Variants in BCAS3 observed in about 807,000 individuals in gnomAD.
The protein encoded by BCAS3 is BCAS3 microtubule associated cell migration factor.
BCAS3 carries 53 observed loss-of-function variants against 116.1 expected under a neutral mutation model. That is an observed-to-expected ratio of 0.46 (90% CI 0.37 to 0.57). The LOEUF is 0.57. Among genes scored for constraint, BCAS3 ranks in the 20% least tolerant of loss-of-function variants. BCAS3 has a pLI of 0.00. For synonymous variants in BCAS3, 391 were observed against 408.2 expected (o/e 0.96, Z 0.51); for missense variants, 917 against 1,165.4 (o/e 0.79, Z 3.10).
intron 7 of BCAS3, among the ~76,000 whole-genome samples, chr17:60,860,146 C>T (rs2054034062): frequency 6.6e-6 from 1 of 152,192 alleles, no homozygotes; most frequent in Non-Finnish European, 1.5e-5. Flanking sequence ...TTCTCCACAA[C>T]CTCGCTAGCA....
chr17:60,999,497 G>T (rs1288129931), intron 15 of BCAS3, among the ~76,000 whole-genome samples: 1 of 149,036 alleles, frequency 6.7e-6, no homozygotes. Flanking sequence ...GCTGAATGTT[G>T]CAGTGAGCCA....
Position 60,914,621 on chromosome 17 carries a change from T to C in BCAS3, c.993+3919T>C, listed in dbSNP as rs531467666. On this transcript the variant is annotated intron_variant, in intron 12 of 23. Coordinates refer to ENST00000407086, the MANE Select transcript of BCAS3 (RefSeq NM_017679.5). ...GGTTTGAACTGCACAGGTCTACTTA[T>C]ATGTGGATTTTCTCTGTCACTACCA... Among the ~76,000 whole-genome samples the C allele has an allele frequency of 2.6e-5, 4 of 152,298 alleles. No individual in the cohort carries two copies. In the East Asian group the frequency reaches 7.7e-4, roughly 29 times the overall value.
Position 61,265,418 on chromosome 17 carries a change from A to T in BCAS3, c.2426-102909A>T, listed in dbSNP as rs1378999362. Among the ~76,000 whole-genome samples, 1 of 152,098 alleles carries T rather than the reference A, an allele frequency of 6.6e-6. No individual in the cohort carries two copies. Among genetic ancestry groups the T allele is most frequent in the Non-Finnish European group, 1.5e-5 (1 of 68,004 alleles). On this transcript the variant is annotated intron_variant, in intron 22 of 23. Coordinates refer to ENST00000407086, the MANE Select transcript of BCAS3 (RefSeq NM_017679.5). This position sits in a 1 kb window ranked among gnomAD's most constrained non-coding sequence, Gnocchi z 4.3. ...AAACTCTGTCTCAAGAAAAAAAAAA[A>T]AAGAAAGCACAGTACCTGATACATA...
At chr17:61,206,093 C>T (rs965624367) in intron 22 of BCAS3, among the ~76,000 whole-genome samples, 7 of 152,080 alleles carry the variant, frequency 4.6e-5, no homozygotes, top group Admixed American at 3.3e-4. Context: ...GAACACAAGT[C>T]GTAGCCAGTG....
At chr17:60,938,733 G>C (rs1171953753) in intron 13 of BCAS3, among the ~76,000 whole-genome samples, 4 of 151,834 alleles carry the variant, frequency 2.6e-5, no homozygotes, top group Non-Finnish European at 5.9e-5. Flanking sequence ...TAGATAGATA[G>C]ATAGATAGAT....
intron 9 of BCAS3, chr17:60,886,379 C>T (rs952418950): frequency 6.6e-6 from 1 of 150,570 alleles, no homozygotes; most frequent in African/African-American, 2.4e-5. Flanking sequence ...ACTTCTTTGC[C>T]TTTGGTTTGA....
chr17:61,047,416 T>C (rs1293707482), intron 19 of BCAS3, among the ~76,000 whole-genome samples: 5 of 152,020 alleles, frequency 3.3e-5, no homozygotes, highest in African/African-American at 9.7e-5. Flanking sequence ...GCCAACTAAA[T>C]ATATAGATGG....
intron 7 of BCAS3, among the ~76,000 whole-genome samples, chr17:60,813,498 G>T (rs969433696): frequency 6.6e-6 from 1 of 152,112 alleles, no homozygotes; most frequent in Non-Finnish European, 1.5e-5. Context: ...ATTCGTTATA[G>T]ATTCTGGATA....
rs981729753 is a variant in BCAS3 at position 61,196,915 on chromosome 17, C to T, written c.2425+112351C>T. On this transcript the variant is annotated intron_variant, in intron 22 of 23. Coordinates refer to ENST00000407086, the MANE Select transcript of BCAS3 (RefSeq NM_017679.5). The surrounding 1 kb of genome is among the most constrained non-coding windows in gnomAD (Gnocchi z 4.7). The stretch of plus-strand genomic sequence containing the variant: ...AGATTTATGTCCTGTTTACATCTCC[C>T]AAACACTTATGTAGAACATTCAATG... Among the ~76,000 whole-genome samples, 4 of 152,270 alleles carry T rather than the reference C, an allele frequency of 2.6e-5. No homozygotes were observed. Among genetic ancestry groups the T allele is most frequent in the Admixed American group, 6.5e-5 (1 of 15,304 alleles).
Position 61,352,438 on chromosome 17 carries a change from C to G in BCAS3, c.2426-15889C>G, listed in dbSNP as rs529584848. 2.6e-5 allele frequency among the ~76,000 whole-genome samples: 4 copies of G among 152,184 alleles called. No individual in the cohort carries two copies. The highest frequency in any genetic ancestry group is 5.9e-5 in the Non-Finnish European group (4 of 68,032). On this transcript the variant is annotated intron_variant, in intron 22 of 23. Transcript: ENST00000407086. This position sits in a 1 kb window ranked among gnomAD's most constrained non-coding sequence, Gnocchi z 4.7. ...CTCCTCGAGGGAGGAATTGGCATTTCTTCCACAAGGAAGGGGTGAGAGGAG... is the reference window on the plus strand; with the variant it reads ...CTCCTCGAGGGAGGAATTGGCATTTGTTCCACAAGGAAGGGGTGAGAGGAG...
Position 61,315,667 on chromosome 17 carries a change from G to A in BCAS3, c.2426-52660G>A, listed in dbSNP as rs1187800752. 1.3e-5 allele frequency among the ~76,000 whole-genome samples: 2 copies of A among 152,140 alleles called. No individual in the cohort carries two copies. Among genetic ancestry groups the A allele is most frequent in the African/African-American group, 2.4e-5 (1 of 41,424 alleles). On this transcript the variant is annotated intron_variant, in intron 22 of 23. Coordinates refer to ENST00000407086, the MANE Select transcript of BCAS3 (RefSeq NM_017679.5). The surrounding 1 kb of genome is among the most constrained non-coding windows in gnomAD (Gnocchi z 5.3). ...GCCTCACCCATCGATGCTTCCCCAT[G>A]TGGGTCCTGGAATGTGACCAGGCTG...
chr17:60,807,781 CAAA>C (rs75176396), intron 6 of BCAS3, among the ~76,000 whole-genome samples: 1 of 64,444 alleles, frequency 1.6e-5, no homozygotes. Context: ...GACTCTGTCT[CAAA>C]AAAAAAAAAA....
intron 14 of BCAS3, among the ~76,000 whole-genome samples, chr17:60,970,307 CAA>C (rs1376199375): frequency 1.3e-5 from 2 of 151,528 alleles, no homozygotes; most frequent in Non-Finnish European, 2.9e-5. Flanking sequence ...TCAGTTAATA[CAA>C]AAGACAGGAA....
chr17:61,000,826 G>C (rs1038413658), intron 15 of BCAS3, among the ~76,000 whole-genome samples: 2 of 152,070 alleles, frequency 1.3e-5, no homozygotes, highest in African/African-American at 4.8e-5. Flanking sequence ...AGTGATGGTA[G>C]TATTATCATT....
intron 14 of BCAS3, among the ~76,000 whole-genome samples, chr17:60,988,338 CTTTT>C (rs71148317): frequency 6.0e-5 from 4 of 66,760 alleles, no homozygotes; most frequent in Middle Eastern, 0.014. Flanking sequence ...TTTTCTTTTT[CTTTT>C]TTTTTTTTTT....
intron 23 of BCAS3, among the ~76,000 whole-genome samples, chr17:61,371,028 A>G (rs2143536025): frequency 6.6e-6 from 1 of 152,342 alleles, no homozygotes; most frequent in Non-Finnish European, 1.5e-5. Context: ...TGCCTCTGAT[A>G]GGTCCTCTGA....
chr17:60,904,819 G>A (rs2058101829), intron 11 of BCAS3, among the ~76,000 whole-genome samples: 1 of 152,070 alleles, frequency 6.6e-6, no homozygotes, highest in Admixed American at 6.5e-5. Flanking sequence ...TTTTCTTTTT[G>A]GGAGAATATA....
rs1230047811 is a variant in BCAS3 at position 61,377,039 on chromosome 17, G to A, written c.2593+8545G>A. On this transcript the variant is annotated intron_variant, in intron 23 of 23. Coordinates refer to ENST00000407086, the MANE Select transcript of BCAS3 (RefSeq NM_017679.5). This position sits in a 1 kb window ranked among gnomAD's most constrained non-coding sequence, Gnocchi z 4.6. ...CCCAGAGGAGGCCACAATACTGAAC[G>A]GTGGGTCTGTTTCTCTCTGACTTCT... Among the ~76,000 whole-genome samples, 5 of 152,192 alleles carry A rather than the reference G, an allele frequency of 3.3e-5. No homozygotes were observed. The highest frequency in any genetic ancestry group is 1.3e-4 in the Admixed American group (2 of 15,286).
Position 60,809,270 on chromosome 17 carries a change from C to CAAAA in BCAS3, c.476+1208_476+1211dup, listed in dbSNP as rs539614540. Among the ~76,000 whole-genome samples the CAAAA allele has an allele frequency of 5.8e-3, 431 of 73,940 alleles. 3 individuals carry two copies. The highest frequency in any genetic ancestry group is 0.018 in the African/African-American group (408 of 22,548). The allele number at this position is 73,940 out of a possible 152,430, so 48.5% of individuals were successfully genotyped here. A position where few individuals can be genotyped will look rare whatever the true frequency, so the allele number is the denominator to read the frequency against. On this transcript the variant is annotated intron_variant, in intron 7 of 23. Transcript: ENST00000407086. Reference sequence around the variant, plus strand: ...CCTGGGCAACAGTGAGACTCTGTCTCAAAAAAAAAAAAAAAAAGAGAGAGT... The same window carrying CAAAA: ...CCTGGGCAACAGTGAGACTCTGTCTCAAAAAAAAAAAAAAAAAAAAAGAGAGAGT...
Sources: gnomAD v4.1 joint callset for allele counts (sites outside exome capture counted in the v4.1 genomes callset) on GRCh38, gnomAD v4.1.1 for gene constraint, Gnocchi (gnomAD v3.1) non-coding constraint, MANE v1.5 for transcripts, NCBI Gene and HGNC (gene_info 2026-07-23, HGNC 2026-07-21) for gene names.